BRCA1: variants seen among roughly 807,000 people sequenced by gnomAD.
BRCA1 encodes the protein BRCA1 DNA repair associated, also known as breast cancer type 1 susceptibility protein.
In BRCA1, 140 loss-of-function variants were observed where a neutral mutation model predicts 173.7. That is an observed-to-expected ratio of 0.81 (90% confidence interval 0.70 to 0.93). The LOEUF (loss-of-function observed/expected upper bound fraction) is 0.93, where lower values mean the gene tolerates loss of function less well. BRCA1 is among the 40% of genes least tolerant of loss of function. The pLI is 0.00. For missense variants in BRCA1, 1,983 were observed against 2,172.5 expected (o/e 0.91, Z 1.73); for synonymous variants, 662 against 756.0 (o/e 0.88, Z 2.04).
chr17:43,128,258 A>G (rs902768336), upstream of BRCA1, among the ~76,000 whole-genome samples: 2 of 151,364 alleles, frequency 1.3e-5, no homozygotes, highest in Non-Finnish European at 2.9e-5. Context: ...AGGAATGAAC[A>G]ACTCCAGACG....
In BRCA1 at chr17:43,082,393, A is replaced by G. The variant is rs1320133860; in HGVS notation, c.4357+11T>C. The G allele has an allele frequency of 6.2e-7, 1 of 1,612,568 alleles. No individual in the cohort carries two copies. The highest frequency in any genetic ancestry group is 1.3e-5 in the African/African-American group (1 of 74,922). Reference sequence around the variant, plus strand: ...TGCTTAAGATATCAGTGTTTGGCCAACAATACACACCTTTTTCTGATGTGC... The same window carrying G: ...TGCTTAAGATATCAGTGTTTGGCCAGCAATACACACCTTTTTCTGATGTGC... On this transcript the variant is annotated intron_variant, in intron 12 of 22. Coordinates refer to ENST00000357654, the MANE Select transcript of BRCA1 (RefSeq NM_007294.4).
chr17:43,142,785 C>T (rs774794939), intron 1 of BRCA1, among the ~76,000 whole-genome samples: 3 of 151,874 alleles, frequency 2.0e-5, no homozygotes, highest in Non-Finnish European at 2.9e-5. Context: ...GTCTTATTGC[C>T]CAGGCAGGAG....
chr17:43,057,165 A>G (rs767435205), intron 18 of BRCA1, 30 bp from the exon 19 acceptor site: 27 of 1,606,442 alleles, frequency 1.7e-5, no homozygotes, highest in Middle Eastern at 1.7e-4. Flanking sequence ...ACCCATCAGG[A>G]TAAGAGAAAG....
At chr17:43,049,773 G>A (rs1322718996) in intron 20 of BRCA1, among the ~76,000 whole-genome samples, 1 of 152,222 alleles carries the variant, frequency 6.6e-6, no homozygotes, top group Non-Finnish European at 1.5e-5. Flanking sequence ...CTGTGGAGAT[G>A]CTGTGTACCT....
At chr17:43,052,686 A>G (rs1567761586) in intron 19 of BRCA1, among the ~76,000 whole-genome samples, 1 of 151,916 alleles carries the variant, frequency 6.6e-6, no homozygotes, top group Non-Finnish European at 1.5e-5. Flanking sequence ...GGCTTCAAAG[A>G]GACTGCGATA....
At chr17:43,164,224 G>C (rs1345043130) in intron 1 of BRCA1, 3 of 152,202 alleles carry the variant, frequency 2.0e-5, no homozygotes, top group Non-Finnish European at 4.4e-5. Context: ...ACAAAAACTG[G>C]TTGGGGCAGT....
chr17:43,057,537 TAA>T (rs1234118104), intron 18 of BRCA1, among the ~76,000 whole-genome samples: 1 of 129,034 alleles, frequency 7.7e-6, no homozygotes. Context: ...AAAATAAAAT[TAA>T]AAAAAAAAAA....
chr17:43,157,795 G>A (rs2056207016), intron 1 of BRCA1, among the ~76,000 whole-genome samples: 1 of 152,010 alleles, frequency 6.6e-6, no homozygotes, highest in Non-Finnish European at 1.5e-5. Flanking sequence ...CTGGGAGTTT[G>A]AGACCAGCCT....
chr17:43,052,219 T>TA (rs1597805704), intron 19 of BRCA1, among the ~76,000 whole-genome samples: 1 of 152,230 alleles, frequency 6.6e-6, no homozygotes, highest in African/African-American at 2.4e-5. Flanking sequence ...GAGTCACATA[T>TA]AGTTATTGAG....
chr17:43,053,747 A>G (rs984358761), intron 19 of BRCA1, among the ~76,000 whole-genome samples: 3 of 152,040 alleles, frequency 2.0e-5, no homozygotes, highest in Non-Finnish European at 4.4e-5. Context: ...AGGTGGGTGG[A>G]TCACTTGGGG....
Position 43,090,946 on chromosome 17 carries a change from G to A in BRCA1, c.4183C>T (p.Gln1395Ter), listed in dbSNP as rs80357260. The A allele has an allele frequency of 1.2e-6, 2 of 1,608,596 alleles. No individual in the cohort carries two copies. The highest frequency in any genetic ancestry group is 1.1e-5 in the South Asian group (1 of 90,008). Residue 1395 changes from glutamine to a stop codon, truncating the protein, a stop_gained and splice_region_variant, in exon 11 of 23, where the codon CAG becomes TAG. Transcript: ENST00000357654. LOFTEE classifies it high-confidence loss of function. ...LSSQSDILTT[Q>*]QRDTMQHNLI... Reference sequence around the variant, plus strand: ...GCACACACACACACGCTTTTTACCTGAGTGGTTAAAATGTCACTCTGAGAG... The same window carrying A: ...GCACACACACACACGCTTTTTACCTAAGTGGTTAAAATGTCACTCTGAGAG...
chr17:43,130,010 G>A (rs978949078), upstream of BRCA1, among the ~76,000 whole-genome samples: 20 of 152,152 alleles, frequency 1.3e-4, no homozygotes, highest in African/African-American at 2.4e-5. Context: ...GGAGAAAACT[G>A]GGGGATAATT....
chr17:43,048,281 C>A (rs1334160489), intron 21 of BRCA1, among the ~76,000 whole-genome samples: 1 of 152,182 alleles, frequency 6.6e-6, no homozygotes. Context: ...TGGCTCACTG[C>A]AACCTCCGCC....
At chr17:43,107,169 A>G (rs2054830841) in intron 3 of BRCA1, among the ~76,000 whole-genome samples, 1 of 145,324 alleles carries the variant, frequency 6.9e-6, no homozygotes, top group Non-Finnish European at 1.5e-5. Flanking sequence ...GGTTCACGCC[A>G]TTCTCCTGCC....
At chr17:43,094,908 TAAAA>T in intron 9 of BRCA1, 48 bp from the exon 10 acceptor site, 1 of 1,515,696 alleles carries the variant, frequency 6.6e-7, no homozygotes, top group Non-Finnish European at 9.0e-7. Flanking sequence ...GAATTGTCAT[TAAAA>T]AAATACATAC....
chr17:43,135,594 AGGTCGC>A (rs1166916026), intron 1 of BRCA1, among the ~76,000 whole-genome samples: 3 of 152,178 alleles, frequency 2.0e-5, no homozygotes, highest in Admixed American at 1.3e-4. Context: ...CATGGTTCGC[AGGTCGC>A]GGTCTTCGGA....
In BRCA1 at chr17:43,057,538, A is replaced by T. The variant is rs559234080; in HGVS notation, c.5194-403T>A. On this transcript the variant is annotated intron_variant, in intron 18 of 22. Coordinates refer to ENST00000357654, the MANE Select transcript of BRCA1 (RefSeq NM_007294.4). Reference sequence around the variant, plus strand: ...ATCTCAAAAAATTAAAAATAAAATTAAAAAAAAAAAAATTAGGCCGGGTGT... The same window carrying T: ...ATCTCAAAAAATTAAAAATAAAATTTAAAAAAAAAAAATTAGGCCGGGTGT... 2.1e-4 allele frequency among the ~76,000 whole-genome samples: 29 copies of T among 137,412 alleles called. No homozygotes were observed. In the East Asian group the frequency reaches 2.4e-3, roughly 11 times the overall value. The allele number at this position is 137,412 out of a possible 152,430, so 90.1% of individuals were successfully genotyped here.
intron 18 of BRCA1, among the ~76,000 whole-genome samples, chr17:43,058,446 T>G (rs971541011): frequency 4.6e-5 from 7 of 152,148 alleles, no homozygotes; most frequent in African/African-American, 1.7e-4. Context: ...GGCAGAGATT[T>G]GACCAAAAGC....
chr17:43,138,358 C>T, intron 1 of BRCA1: 1 of 469,328 alleles, frequency 2.1e-6, no homozygotes, highest in South Asian at 2.3e-5. Context: ...GAACAAACTC[C>T]AGGTCGGTCC....
Sources: allele counts gnomAD v4.1 joint callset (sites outside exome capture counted in the v4.1 genomes callset), GRCh38; gene constraint gnomAD v4.1.1; transcripts MANE v1.5; gene names NCBI Gene and HGNC (gene_info 2026-07-23, HGNC 2026-07-21).